EGFR: variants seen among roughly 807,000 people sequenced by gnomAD.
EGFR encodes the protein epidermal growth factor receptor.
In EGFR, 58 loss-of-function variants were observed where a neutral mutation model predicts 143.0. That is an observed-to-expected ratio of 0.41 (90% CI 0.33 to 0.50). The LOEUF is 0.50. Ranked by LOEUF, EGFR falls within the 20% of genes least tolerant of loss-of-function variation. The pLI is 0.39. For synonymous variants in EGFR, 613 were observed against 594.4 expected (o/e 1.03, Z -0.45); for missense variants, 1,307 against 1,579.0 (o/e 0.83, Z 2.92).
At chr7:55,119,704 T>A (rs1793083062) in intron 1 of EGFR, among the ~76,000 whole-genome samples, 3 of 152,228 alleles carry the variant, frequency 2.0e-5, no homozygotes. Flanking sequence ...GGTCCTATGC[T>A]TTTGTCTTCC....
At chr7:55,133,073 G>A (rs1793946794) in intron 1 of EGFR, among the ~76,000 whole-genome samples, 1 of 152,234 alleles carries the variant, frequency 6.6e-6, no homozygotes, top group Non-Finnish European at 1.5e-5. Context: ...TCATCAAGGA[G>A]TGAGTCACGG....
Position 55,195,587 on chromosome 7 carries a change from G to C in EGFR, c.2701+2746G>C, listed in dbSNP as rs559830726. Among the ~76,000 whole-genome samples the C allele has an allele frequency of 1.5e-4, 23 of 152,138 alleles. No homozygotes were observed. In the South Asian group the frequency reaches 4.2e-3, roughly 27 times the overall value. The stretch of plus-strand genomic sequence containing the variant: ...GTTATATAGGTAAATTTGTGTCATG[G>C]GGGTTTGTTACACAGATTATTTTAT... On this transcript the variant is annotated intron_variant, in intron 22 of 27. Coordinates refer to ENST00000275493, the MANE Select transcript of EGFR (RefSeq NM_005228.5).
rs370050819 is a variant in EGFR, at chr7:55,193,277, G to A, written c.2701+436G>A. On this transcript the variant is annotated intron_variant, in intron 22 of 27. Coordinates refer to ENST00000275493, the MANE Select transcript of EGFR (RefSeq NM_005228.5). ...CTGGCCCTTATGTGTCAGAGAGAACGGCTTGACAAACACACACTGAGGATG... is the reference window on the plus strand; with the variant it reads ...CTGGCCCTTATGTGTCAGAGAGAACAGCTTGACAAACACACACTGAGGATG... Among the ~76,000 whole-genome samples the A allele has an allele frequency of 9.2e-5, 14 of 152,282 alleles. No individual in the cohort carries two copies. The South Asian group carries it at 1.5e-3, about 16-fold the overall frequency.
intron 20 of EGFR, among the ~76,000 whole-genome samples, chr7:55,189,480 A>G (rs1327202484): frequency 1.3e-5 from 2 of 152,248 alleles, no homozygotes; most frequent in Non-Finnish European, 2.9e-5. Context: ...AAATGTGCCC[A>G]GTATACCAAA....
chr7:55,123,140 T>G (rs1238123617), intron 1 of EGFR, among the ~76,000 whole-genome samples: 1 of 152,258 alleles, frequency 6.6e-6, no homozygotes, highest in Non-Finnish European at 1.5e-5. Context: ...TTGAAAATCA[T>G]CTACCTAATT....
In EGFR at chr7:55,061,612, A is replaced by ATGTGTGTGTGTG. The variant is rs1205967063; in HGVS notation, c.88+42274_88+42285dup. On this transcript the variant is annotated intron_variant, in intron 1 of 27. Transcript: ENST00000275493. ...CTCCCACGGATGACGGTCTCCAGGG[A>ATGTGTGTGTGTG]TGTGTGTGTGTGTGTGTGTGTGTGT... 2.5e-3 allele frequency among the ~76,000 whole-genome samples: 321 copies of ATGTGTGTGTGTG among 126,312 alleles called. 1 individual carries two copies. Among genetic ancestry groups the ATGTGTGTGTGTG allele is most frequent in the Non-Finnish European group, 3.9e-3 (235 of 60,410 alleles). 82.9% of individuals were successfully genotyped at this position (126,312 alleles called of 152,430 possible).
intron 6 of EGFR, 140 bp from the exon 7 acceptor site, chr7:55,153,871 T>G (rs1785275024): frequency 5.9e-6 from 8 of 1,351,564 alleles, no homozygotes; most frequent in Non-Finnish European, 8.3e-6. Context: ...AGCTGGGTTT[T>G]CCCACACTAG....
chr7:55,047,291 A>G (rs1272371470), intron 1 of EGFR, among the ~76,000 whole-genome samples: 2 of 152,234 alleles, frequency 1.3e-5, no homozygotes, highest in Non-Finnish European at 2.9e-5. Flanking sequence ...AACACCTAGT[A>G]CACGAATTTC....
rs190729732 is a variant in EGFR, at chr7:55,124,374, G to C, written c.89-17912G>C. On this transcript the variant is annotated intron_variant, in intron 1 of 27. Transcript: ENST00000275493. ...TAAAAAATGAATAAGCCTGGGCCAA[G>C]GCTTGGAGACTTGCTTAACTCAGTT... 5.3e-5 allele frequency among the ~76,000 whole-genome samples: 8 copies of C among 152,282 alleles called. No homozygotes were observed. In the East Asian group the frequency reaches 1.5e-3, roughly 29 times the overall value.
chr7:55,131,652 G>A (rs949852602), intron 1 of EGFR, among the ~76,000 whole-genome samples: 3 of 152,256 alleles, frequency 2.0e-5, no homozygotes, highest in East Asian at 3.9e-4. Flanking sequence ...GGCACTGAGC[G>A]CCCTCTGCCC....
At chr7:55,156,473 C>T (rs1325954768) in intron 8 of EGFR, 60 bp from the exon 9 acceptor site, 4 of 1,609,736 alleles carry the variant, frequency 2.5e-6, no homozygotes, top group East Asian at 2.2e-5. Flanking sequence ...GCCTGTGGAT[C>T]CCTAGCTATT....
chr7:55,068,490 A>C (rs571114197), intron 1 of EGFR, among the ~76,000 whole-genome samples: 14 of 152,274 alleles, frequency 9.2e-5, no homozygotes, highest in Non-Finnish European at 1.5e-5. Flanking sequence ...GATAGCTTAG[A>C]GTGAGCCCCA....
chr7:55,024,180 G>A (rs1786749024), intron 1 of EGFR, among the ~76,000 whole-genome samples: 1 of 152,192 alleles, frequency 6.6e-6, no homozygotes, highest in Admixed American at 6.5e-5. Flanking sequence ...GGAATATTGG[G>A]GGTGTGTTTA....
chr7:55,198,473 TA>T (rs1382700461), intron 22 of EGFR, among the ~76,000 whole-genome samples: 2 of 152,232 alleles, frequency 1.3e-5, no homozygotes, highest in Non-Finnish European at 2.9e-5. Context: ...GGCATTGCAC[TA>T]AGCATTTCAG....
chr7:55,087,274 AAAAAAAAAAC>A (rs967579415), intron 1 of EGFR, among the ~76,000 whole-genome samples: 2 of 56,492 alleles, frequency 3.5e-5, no homozygotes, highest in Non-Finnish European at 8.1e-5. Flanking sequence ...CTCAATTGTT[AAAAAAAAAAC>A]AAAAAAAAAA....
intron 1 of EGFR, among the ~76,000 whole-genome samples, chr7:55,037,397 A>G (rs183801245): frequency 6.6e-6 from 1 of 152,348 alleles, no homozygotes; most frequent in Admixed American, 6.5e-5. Context: ...GTGGTTTGCG[A>G]GAATTTAAGA....
intron 6 of EGFR, among the ~76,000 whole-genome samples, chr7:55,152,865 C>A (rs1785229375): frequency 1.3e-5 from 2 of 152,238 alleles, no homozygotes. Flanking sequence ...AATGATGGGA[C>A]TACCATGCCT....
chr7:55,107,941 T>G (rs992944307), intron 1 of EGFR, among the ~76,000 whole-genome samples: 2 of 152,220 alleles, frequency 1.3e-5, no homozygotes, highest in Non-Finnish European at 2.9e-5. Flanking sequence ...ACAGAACAGC[T>G]CATGAACACC....
At chr7:55,104,375 G>A (rs1415409327) in intron 1 of EGFR, among the ~76,000 whole-genome samples, 1 of 152,200 alleles carries the variant, frequency 6.6e-6, no homozygotes, top group Non-Finnish European at 1.5e-5. Context: ...GCTGGATGAT[G>A]CCTGGTAGAT....
Sources: gnomAD v4.1 joint callset for allele counts (sites outside exome capture counted in the v4.1 genomes callset) on GRCh38, gnomAD v4.1.1 for gene constraint, MANE v1.5 for transcripts, NCBI Gene and HGNC (gene_info 2026-07-23, HGNC 2026-07-21) for gene names.